Variants in CNTNAP2 observed in about 807,000 individuals in gnomAD.
CNTNAP2 encodes contactin associated protein 2.
A neutral mutation model predicts 155.2 loss-of-function variants in CNTNAP2; 98 were observed. The ratio of observed to expected loss-of-function variants is 0.63; its 90% CI spans 0.54 to 0.75. The LOEUF (loss-of-function observed/expected upper bound fraction) is 0.75. Among genes scored for constraint, CNTNAP2 ranks in the 30% least tolerant of loss-of-function variants. The pLI, the probability that CNTNAP2 is intolerant of heterozygous loss-of-function variation, is 0.00. For missense variants in CNTNAP2, 1,727 were observed against 1,688.1 expected, an observed-to-expected ratio of 1.02 and a Z score of -0.40; for synonymous variants, 651 against 631.2, an observed-to-expected ratio of 1.03 and a Z score of -0.47.
At chr7:146,187,055 A>T (rs114079190) in intron 1 of CNTNAP2, among the ~76,000 whole-genome samples, 3,136 of 152,272 alleles carry the variant, frequency 0.021, 93 homozygotes, top group African/African-American at 0.066. Context: ...TTGCAGAAAA[A>T]GTCTTAGTTT....
chr7:147,798,034 G>T (rs1444977122), intron 13 of CNTNAP2, among the ~76,000 whole-genome samples: 2 of 152,008 alleles, frequency 1.3e-5, no homozygotes, highest in African/African-American at 4.8e-5. Flanking sequence ...TTCCCACTTA[G>T]ACCGAAGAAA....
chr7:148,047,136 T>A (rs959837562), intron 15 of CNTNAP2, among the ~76,000 whole-genome samples: 3 of 152,190 alleles, frequency 2.0e-5, no homozygotes, highest in Non-Finnish European at 4.4e-5. Context: ...TGCTACATGA[T>A]AACTACTTGC....
intron 1 of CNTNAP2, among the ~76,000 whole-genome samples, chr7:146,652,263 T>C (rs569520630): frequency 9.2e-5 from 14 of 152,280 alleles, no homozygotes; most frequent in Middle Eastern, 3.4e-3. Flanking sequence ...TAAAGTTACT[T>C]CAAAGAGGAA....
chr7:146,969,434 G>T (rs1033598911), intron 3 of CNTNAP2, among the ~76,000 whole-genome samples: 1 of 152,090 alleles, frequency 6.6e-6, no homozygotes, highest in Non-Finnish European at 1.5e-5. Flanking sequence ...CATTATTATT[G>T]TGTGGGAGTC....
intron 1 of CNTNAP2, among the ~76,000 whole-genome samples, chr7:146,340,599 G>C (rs1801365868): frequency 6.6e-6 from 1 of 152,032 alleles, no homozygotes; most frequent in Non-Finnish European, 1.5e-5. Flanking sequence ...TGGACATCCT[G>C]TATTTTTATT....
intron 1 of CNTNAP2, among the ~76,000 whole-genome samples, chr7:146,540,773 T>G (rs1248047343): frequency 1.3e-5 from 2 of 152,086 alleles, no homozygotes; most frequent in Non-Finnish European, 2.9e-5. Context: ...ACTTGCATAC[T>G]TCTGTTTCTT....
intron 8 of CNTNAP2, among the ~76,000 whole-genome samples, chr7:147,178,372 G>T (rs1026402840): frequency 6.6e-6 from 1 of 152,168 alleles, no homozygotes; most frequent in Non-Finnish European, 1.5e-5. Flanking sequence ...CATTTAGAAG[G>T]TGGAAAAGGC....
intron 4 of CNTNAP2, among the ~76,000 whole-genome samples, chr7:147,069,219 A>G (rs573602690): frequency 6.6e-6 from 1 of 152,342 alleles, no homozygotes; most frequent in African/African-American, 2.4e-5. Flanking sequence ...TTACATTTCA[A>G]TGTTAGAATG....
chr7:146,307,741 A>G (rs1020038572), intron 1 of CNTNAP2, among the ~76,000 whole-genome samples: 3 of 152,186 alleles, frequency 2.0e-5, no homozygotes, highest in African/African-American at 7.2e-5. Context: ...AGGATTCCCT[A>G]TTTAATAAAT....
chr7:148,330,058 T>C (rs541093610), intron 21 of CNTNAP2, among the ~76,000 whole-genome samples: 5 of 152,214 alleles, frequency 3.3e-5, no homozygotes, highest in African/African-American at 1.2e-4. Context: ...ATGGAAGGAA[T>C]GTATGGATGG....
At chr7:148,231,717 A>C (rs1348909064) in intron 20 of CNTNAP2, among the ~76,000 whole-genome samples, 1 of 152,122 alleles carries the variant, frequency 6.6e-6, no homozygotes, top group Admixed American at 6.5e-5. Flanking sequence ...CTTGACACTC[A>C]TTTTAAAATC....
chr7:146,876,467 A>G (rs913616109), intron 3 of CNTNAP2, among the ~76,000 whole-genome samples: 1 of 152,214 alleles, frequency 6.6e-6, no homozygotes, highest in Admixed American at 6.6e-5. Context: ...ACTCTATAAT[A>G]AAATAAATGT....
intron 21 of CNTNAP2, among the ~76,000 whole-genome samples, chr7:148,301,306 A>AAATATATATATATATAT: frequency 9.6e-6 from 1 of 103,870 alleles, no homozygotes; most frequent in Non-Finnish European, 1.9e-5. Flanking sequence ...AAAAAAAAAA[A>AAATATATATATATATAT]ATATATATAT....
chr7:147,650,535 C>G (rs1391055836), intron 13 of CNTNAP2, among the ~76,000 whole-genome samples: 1 of 152,128 alleles, frequency 6.6e-6, no homozygotes, highest in Admixed American at 6.6e-5. Context: ...CCCACTTATG[C>G]TTCATGATTA....
intron 3 of CNTNAP2, among the ~76,000 whole-genome samples, chr7:146,862,963 A>T (rs1795133765): frequency 6.6e-6 from 1 of 152,208 alleles, no homozygotes; most frequent in Non-Finnish European, 1.5e-5. Context: ...TCATGCATAT[A>T]GATTTCCACT....
intron 1 of CNTNAP2, among the ~76,000 whole-genome samples, chr7:146,393,175 G>A (rs760774431): frequency 6.6e-5 from 10 of 152,170 alleles, no homozygotes; most frequent in Middle Eastern, 6.3e-3. Flanking sequence ...AACAGCATCT[G>A]TACTGAGAAG....
chr7:147,394,121 T>C (rs1381119667), intron 9 of CNTNAP2, among the ~76,000 whole-genome samples: 1 of 151,976 alleles, frequency 6.6e-6, no homozygotes, highest in Admixed American at 6.6e-5. Flanking sequence ...CATTTCATAA[T>C]AGTGAGTGAG....
At chr7:146,467,984 GT>G (rs1011084944) in intron 1 of CNTNAP2, among the ~76,000 whole-genome samples, 20 of 152,220 alleles carry the variant, frequency 1.3e-4, no homozygotes, top group African/African-American at 4.3e-4. Flanking sequence ...GAGTTAAACA[GT>G]TTCATAAAGA....
At chr7:146,845,980 T>C (rs2129201923) in intron 3 of CNTNAP2, among the ~76,000 whole-genome samples, 1 of 152,334 alleles carries the variant, frequency 6.6e-6, no homozygotes, top group East Asian at 1.9e-4. Context: ...GCACTAATTT[T>C]CCAAATCACT....
Sources: gnomAD v4.1 joint callset for allele counts (sites outside exome capture counted in the v4.1 genomes callset) on GRCh38, gnomAD v4.1.1 for gene constraint, MANE v1.5 for transcripts, NCBI Gene and HGNC (gene_info 2026-07-23, HGNC 2026-07-21) for gene names.